FBXO17: variants seen among roughly 807,000 people sequenced by gnomAD.
FBXO17 encodes F-box protein 17, also known as F-box only protein 17.
FBXO17 carries 43 observed loss-of-function variants against 34.1 expected under a neutral mutation model. That is an observed-to-expected ratio of 1.26 (90% CI 0.99 to 1.62). The LOEUF (loss-of-function observed/expected upper bound fraction) is 1.62. Ranked by LOEUF, FBXO17 falls within the 40% of genes most tolerant of loss-of-function variation. The probability of loss-of-function intolerance (pLI) is 0.00; values close to 1 mark genes in which losing one functional copy is unlikely to be tolerated. For missense variants in FBXO17, 424 were observed against 386.7 expected (o/e 1.10, Z -0.81); for synonymous variants, 169 against 166.0 (o/e 1.02, Z -0.14).
Position 38,950,075 on chromosome 19 carries a change from A to T in FBXO17, c.245T>A (p.Leu82Gln). 3.8e-6 allele frequency: 6 copies of T among 1,568,154 alleles called. No individual in the cohort carries two copies. The highest frequency in any genetic ancestry group is 5.2e-6 in the Non-Finnish European group (6 of 1,158,248). The change falls in exon 2 of 6, where the codon CTG becomes CAG. Residue 82 changes from leucine (L) to glutamine (Q), a missense_variant. Coordinates refer to ENST00000292852, the MANE Select transcript of FBXO17 (RefSeq NM_024907.7). ...RALYAVAQRCLPSNEDKEEFP... is the reference protein window; with the variant it reads ...RALYAVAQRCQPSNEDKEEFP... Reference sequence around the variant, plus strand: ...CTCCTCCTTGTCTTCGTTGCTGGGCAGGCAGCGTTGAGCCACTGCGTAGAG... The same window carrying T: ...CTCCTCCTTGTCTTCGTTGCTGGGCTGGCAGCGTTGAGCCACTGCGTAGAG...
At chr19:38,953,918 C>T (rs1975123896) in intron 1 of FBXO17, among the ~76,000 whole-genome samples, 1 of 150,960 alleles carries the variant, frequency 6.6e-6, no homozygotes, top group African/African-American at 2.4e-5. Context: ...AAGTTCACTT[C>T]TCATCTCTTG....
At chr19:38,953,699 T>C (rs1246809728) in intron 1 of FBXO17, among the ~76,000 whole-genome samples, 1 of 151,360 alleles carries the variant, frequency 6.6e-6, no homozygotes, top group Non-Finnish European at 1.5e-5. Flanking sequence ...AGAGAGAGGG[T>C]TTGTTTTGAG....
At position 38,942,414 on chromosome 19, in the gene FBXO17, C is replaced by T. The variant is rs1974901838; in HGVS notation, c.*194G>A. 2.0e-6 allele frequency: 1 copy of T among 491,632 alleles called. No homozygotes were observed. The highest frequency in any genetic ancestry group is 2.0e-5 in the African/African-American group (1 of 49,074). The allele number at this position is 491,632 out of a possible 1,614,324, so 30.5% of individuals were successfully genotyped here. On this transcript the variant is annotated 3_prime_UTR_variant, in exon 6 of 6. Coordinates refer to ENST00000292852, the MANE Select transcript of FBXO17 (RefSeq NM_024907.7). ...GTAGCTGGGACTACAGGCGGCACCA[C>T]CATGCCTGGCTAATTTTTTAAAAAT...
chr19:38,959,506 C>G (rs996190636), intron 1 of FBXO17, among the ~76,000 whole-genome samples: 2 of 148,820 alleles, frequency 1.3e-5, no homozygotes, highest in Non-Finnish European at 3.0e-5. Flanking sequence ...AGGCTGGTCT[C>G]GAACTCTTGA....
chr19:38,948,009 C>CT (rs766305274), intron 3 of FBXO17, among the ~76,000 whole-genome samples: 24,929 of 137,686 alleles, frequency 0.18, 2,503 homozygotes, highest in East Asian at 0.48. Flanking sequence ...GCCATGTTCC[C>CT]TTTTTTTTTT....
At chr19:38,946,839 A>C in intron 3 of FBXO17, 1 of 463,472 alleles carries the variant, frequency 2.2e-6, no homozygotes, top group East Asian at 4.0e-5. Flanking sequence ...CATGACTACA[A>C]ATGAAGGCCA....
intron 1 of FBXO17, among the ~76,000 whole-genome samples, chr19:38,959,283 C>T (rs200054277): frequency 1.4e-4 from 18 of 128,076 alleles, no homozygotes; most frequent in South Asian, 2.5e-4. Flanking sequence ...TTCTTTCTTT[C>T]TTTTTTTTTT....
intron 5 of FBXO17, among the ~76,000 whole-genome samples, chr19:38,943,565 G>A (rs1368972951): frequency 6.6e-6 from 1 of 151,122 alleles, no homozygotes; most frequent in Non-Finnish European, 1.5e-5. Flanking sequence ...GTGAGCCACT[G>A]CGCCCAGCCA....
chr19:38,958,323 C>T (rs1231276480), intron 1 of FBXO17, among the ~76,000 whole-genome samples: 1 of 146,818 alleles, frequency 6.8e-6, no homozygotes, highest in Non-Finnish European at 1.5e-5. Flanking sequence ...TGGGAGAATC[C>T]CTTGAACCCA....
At chr19:38,949,485 T>C (rs1312752205) in intron 2 of FBXO17, among the ~76,000 whole-genome samples, 1 of 150,400 alleles carries the variant, frequency 6.6e-6, no homozygotes, top group Non-Finnish European at 1.5e-5. Context: ...CCTCCCACCA[T>C]AGACTCCCAA....
Position 38,942,756 on chromosome 19 carries a change from A to AG in FBXO17, c.694-6dup. 6.2e-7 allele frequency: 1 copy of AG among 1,600,124 alleles called. No homozygotes were observed. Among genetic ancestry groups the AG allele is most frequent in the African/African-American group, 1.4e-5 (1 of 73,880 alleles). On this transcript the variant is annotated splice_region_variant and splice_polypyrimidine_tract_variant and intron_variant, in intron 5 of 5. Coordinates refer to ENST00000292852, the MANE Select transcript of FBXO17 (RefSeq NM_024907.7). Reference sequence around the variant, plus strand: ...GTTGGTGAAGACGTGGGAGACCTGCAGGGGGAAGGGGAGTGAGAGGGTGAG... The same window carrying AG: ...GTTGGTGAAGACGTGGGAGACCTGCAGGGGGGAAGGGGAGTGAGAGGGTGAG...
rs1975026973 is a variant in FBXO17, at chr19:38,948,791, C to T, written c.350-113G>A. ...AGCCTCTCCCTCTTGTGCTCCAATC[C>T]TCCCTGGTTTCTCCTACCGACTCCT... On this transcript the variant is annotated intron_variant, in intron 2 of 5. Coordinates refer to ENST00000292852, the MANE Select transcript of FBXO17 (RefSeq NM_024907.7). 4.8e-6 allele frequency: 4 copies of T among 831,560 alleles called. No homozygotes were observed. In the East Asian group the frequency reaches 1.0e-4, roughly 22 times the overall value. The allele number at this position is 831,560 out of a possible 1,614,324, so 51.5% of individuals were successfully genotyped here.
chr19:38,946,897 G>T, intron 3 of FBXO17: 1 of 276,710 alleles, frequency 3.6e-6, no homozygotes, highest in Non-Finnish European at 6.9e-6. Flanking sequence ...TAAAGTGTGA[G>T]GGCCCCGGGT....
chr19:38,961,175 C>T (rs1229001713), intron 1 of FBXO17, among the ~76,000 whole-genome samples: 5 of 151,922 alleles, frequency 3.3e-5, no homozygotes, highest in Non-Finnish European at 5.9e-5. Context: ...GCAGCAGCCT[C>T]AATTAACTGT....
chr19:38,963,106 C>G (rs141759838), intron 1 of FBXO17, among the ~76,000 whole-genome samples: 1 of 152,108 alleles, frequency 6.6e-6, no homozygotes, highest in Non-Finnish European at 1.5e-5. Context: ...ATTAAACAAT[C>G]GCTGTTTAAA....
intron 1 of FBXO17, among the ~76,000 whole-genome samples, chr19:38,973,939 C>T (rs948286668): frequency 1.3e-5 from 2 of 150,612 alleles, no homozygotes; most frequent in Middle Eastern, 3.4e-3. Flanking sequence ...GCCATGATTA[C>T]GACACTGTAC....
chr19:38,958,735 A>G (rs999482331), intron 1 of FBXO17, among the ~76,000 whole-genome samples: 2 of 152,156 alleles, frequency 1.3e-5, no homozygotes, highest in Non-Finnish European at 2.9e-5. Context: ...TGTATTTTTC[A>G]AAAGTGGCTA....
chr19:38,956,265 C>CAAA (rs374424636), intron 1 of FBXO17, among the ~76,000 whole-genome samples: 2 of 112,542 alleles, frequency 1.8e-5, no homozygotes, highest in Non-Finnish European at 1.8e-5. Flanking sequence ...GACTCTGTCT[C>CAAA]AAAAAAAAAA....
At position 38,965,440 on chromosome 19, in the gene FBXO17, G is replaced by A. The variant is rs113797254; in HGVS notation, c.-18+10146C>T. 5.3e-3 allele frequency among the ~76,000 whole-genome samples: 806 copies of A among 151,814 alleles called. 3 individuals are homozygous for A. The highest frequency in any genetic ancestry group is 0.018 in the African/African-American group (765 of 41,378). Reference sequence around the variant, plus strand: ...CCTCCTGGGTTCAAGTGATTCTCGTGCCTCAGCCTCCTGAGTAACTGGGAC... The same window carrying A: ...CCTCCTGGGTTCAAGTGATTCTCGTACCTCAGCCTCCTGAGTAACTGGGAC... On this transcript the variant is annotated intron_variant, in intron 1 of 5. Coordinates refer to ENST00000292852, the MANE Select transcript of FBXO17 (RefSeq NM_024907.7).
Sources: allele counts gnomAD v4.1 joint callset (sites outside exome capture counted in the v4.1 genomes callset), GRCh38; gene constraint gnomAD v4.1.1; transcripts MANE v1.5; gene names NCBI Gene and HGNC (gene_info 2026-07-23, HGNC 2026-07-21).